NRXN1: variants seen among roughly 807,000 people sequenced by gnomAD.
NRXN1 encodes the protein neurexin 1.
NRXN1 carries 39 observed loss-of-function variants against 150.9 expected under a neutral mutation model. That is an observed-to-expected ratio of 0.26 (90% confidence interval 0.20 to 0.34). The LOEUF is 0.34. Among genes scored for constraint, NRXN1 ranks in the 10% least tolerant of loss-of-function variants. The pLI is 1.00. For synonymous variants in NRXN1, 924 were observed against 757.0 expected (o/e 1.22, Z -3.62); for missense variants, 1,815 against 1,949.9 (o/e 0.93, Z 1.30).
At chr2:50,553,815 G>C (rs144340924) in intron 8 of NRXN1, among the ~76,000 whole-genome samples, 1 of 152,186 alleles carries the variant, frequency 6.6e-6, no homozygotes, top group African/African-American at 2.4e-5. Context: ...AGGCACTTCT[G>C]AGTGCTTACT....
chr2:50,551,050 G>GGAAGAGGAAGAAGAAGAAGAAGAA (rs1335681510), intron 9 of NRXN1, among the ~76,000 whole-genome samples: 11 of 79,008 alleles, frequency 1.4e-4, no homozygotes, highest in African/African-American at 7.3e-4. Context: ...AAGAGGAAGA[G>GGAAGAGGAAGAAGAAGAAGAAGAA]GAAGAAGAAG....
At chr2:50,845,506 T>C (rs1008789306) in intron 5 of NRXN1, among the ~76,000 whole-genome samples, 11 of 152,212 alleles carry the variant, frequency 7.2e-5, no homozygotes, top group Non-Finnish European at 1.6e-4. Context: ...AATGACTTAC[T>C]TTCTTCATGG....
chr2:50,447,643 G>C (rs897733725), intron 17 of NRXN1, among the ~76,000 whole-genome samples: 3 of 143,124 alleles, frequency 2.1e-5, no homozygotes, highest in African/African-American at 7.9e-5. Flanking sequence ...AATCTCACTT[G>C]GTTTCTATTA....
chr2:50,416,262 CACTGAGCAAATAAAATATACCAAGA>C (rs781027350), intron 17 of NRXN1, among the ~76,000 whole-genome samples: 1 of 151,982 alleles, frequency 6.6e-6, no homozygotes, highest in Non-Finnish European at 1.5e-5. Context: ...AGAAAGGCCT[CACTGAGCAAATAAAATATACCAAGA>C]AAGGAGACAG....
chr2:50,388,564 T>C (rs2081476919), intron 17 of NRXN1, among the ~76,000 whole-genome samples: 1 of 152,158 alleles, frequency 6.6e-6, no homozygotes, highest in Admixed American at 6.6e-5. Flanking sequence ...CCGGAAATGC[T>C]TCTCAGCAGG....
At chr2:50,530,598 CT>C (rs1260522992) in intron 11 of NRXN1, among the ~76,000 whole-genome samples, 1 of 152,088 alleles carries the variant, frequency 6.6e-6, no homozygotes, top group Non-Finnish European at 1.5e-5. Context: ...AAAGCATTAT[CT>C]TTCTGTAGAA....
chr2:50,716,313 C>T (rs1485152991), intron 5 of NRXN1, among the ~76,000 whole-genome samples: 1 of 152,044 alleles, frequency 6.6e-6, no homozygotes, highest in Middle Eastern at 3.2e-3. Context: ...AAAAACTAAA[C>T]CAATTTCTGT....
At chr2:50,521,535 A>G (rs1412483785) in intron 12 of NRXN1, among the ~76,000 whole-genome samples, 2 of 152,168 alleles carry the variant, frequency 1.3e-5, no homozygotes, top group East Asian at 3.9e-4. Flanking sequence ...CACATTGTTA[A>G]TAAGTAAAAG....
intron 5 of NRXN1, among the ~76,000 whole-genome samples, chr2:50,706,423 T>G (rs1694446861): frequency 6.6e-6 from 1 of 152,160 alleles, no homozygotes; most frequent in Non-Finnish European, 1.5e-5. Context: ...GGGAGACTGT[T>G]ACTTTAGTAA....
intron 17 of NRXN1, among the ~76,000 whole-genome samples, chr2:50,359,576 C>T (rs76618186): frequency 2.6e-5 from 4 of 151,506 alleles, no homozygotes; most frequent in Non-Finnish European, 4.4e-5. Flanking sequence ...TGAAAAGGAA[C>T]GAACAAAGCC....
chr2:50,153,140 T>G (rs1018885125), intron 18 of NRXN1, among the ~76,000 whole-genome samples: 2 of 151,722 alleles, frequency 1.3e-5, no homozygotes, highest in Non-Finnish European at 2.9e-5. Flanking sequence ...TAGTAAATTT[T>G]TCATGTTAGT....
chr2:50,781,928 G>A (rs1002946949), intron 5 of NRXN1, among the ~76,000 whole-genome samples: 1 of 152,096 alleles, frequency 6.6e-6, no homozygotes, highest in Admixed American at 6.5e-5. Flanking sequence ...AGTAAAAGGT[G>A]CTTTTGTCAC....
rs990466632 is a variant in NRXN1 at position 49,920,317 on chromosome 2, C to T, written c.*1627G>A. ...TTTCTTAGTCGAGAGAAAGTGTTTA[C>T]TTTCCAGAAATGTTCATCATGCACA... On this transcript the variant is annotated 3_prime_UTR_variant, in exon 23 of 23. Transcript: ENST00000401669. 1 of 152,472 alleles carries T rather than the reference C, an allele frequency of 6.6e-6. No individual in the cohort carries two copies. The highest frequency in any genetic ancestry group is 1.5e-5 in the Non-Finnish European group (1 of 68,022). The allele number at this position is 152,472 out of a possible 1,614,324, so 9.4% of individuals were successfully genotyped here. A position where few individuals can be genotyped will look rare whatever the true frequency, so the allele number is the denominator to read the frequency against.
At chr2:50,444,406 A>G (rs1283685599) in intron 17 of NRXN1, among the ~76,000 whole-genome samples, 1 of 152,162 alleles carries the variant, frequency 6.6e-6, no homozygotes, top group African/African-American at 2.4e-5. Context: ...TACAGCACCC[A>G]CAGAACCCAT....
chr2:50,376,311 T>G (rs1194231847), intron 17 of NRXN1, among the ~76,000 whole-genome samples: 1 of 151,858 alleles, frequency 6.6e-6, no homozygotes, highest in Non-Finnish European at 1.5e-5. Context: ...AACAAAATTA[T>G]TTGTCTCCAT....
intron 22 of NRXN1, among the ~76,000 whole-genome samples, chr2:49,923,022 G>A (rs1040407987): frequency 2.0e-5 from 3 of 152,066 alleles, no homozygotes; most frequent in Non-Finnish European, 2.9e-5. Context: ...ATAGAAGGCT[G>A]GCTAGTCTAG....
At position 50,472,490 on chromosome 2, in the gene NRXN1, C is replaced by G. The variant is rs776953130; in HGVS notation, c.3071-19G>C. On this transcript the variant is annotated intron_variant, in intron 15 of 22. Coordinates refer to ENST00000401669, the MANE Select transcript of NRXN1 (RefSeq NM_001330078.2). ...AAGTCACCTGCAAGAAGATCAAAGT[C>G]TTTGTTACAAAAGTACCATGTCATT... 1 of 1,602,778 alleles carries G rather than the reference C, an allele frequency of 6.2e-7. No homozygotes were observed. Among genetic ancestry groups the G allele is most frequent in the South Asian group, 1.1e-5 (1 of 89,930 alleles).
chr2:49,962,431 T>A (rs1045692413), intron 21 of NRXN1, among the ~76,000 whole-genome samples: 1 of 152,242 alleles, frequency 6.6e-6, no homozygotes, highest in East Asian at 1.9e-4. Context: ...TTAAACTTGC[T>A]GAATAACTGC....
intron 17 of NRXN1, among the ~76,000 whole-genome samples, chr2:50,408,542 T>C (rs1451371292): frequency 6.6e-6 from 1 of 152,184 alleles, no homozygotes; most frequent in Non-Finnish European, 1.5e-5. Flanking sequence ...GCTTTTAAAA[T>C]ATTTGTTGAA....
Sources: gnomAD v4.1 joint callset for allele counts (sites outside exome capture counted in the v4.1 genomes callset) on GRCh38, gnomAD v4.1.1 for gene constraint, MANE v1.5 for transcripts, NCBI Gene and HGNC (gene_info 2026-07-23, HGNC 2026-07-21) for gene names.